Variants in ADGRL3 observed in about 807,000 individuals in gnomAD.
ADGRL3 encodes adhesion G protein-coupled receptor L3.
Under a neutral mutation model 153.5 loss-of-function variants are expected in ADGRL3, and 62 were observed. The observed-to-expected ratio is 0.40, with a 90% CI of 0.33 to 0.50. The LOEUF (loss-of-function observed/expected upper bound fraction) is 0.50, where lower values mean the gene tolerates loss of function less well. Among genes scored for constraint, ADGRL3 ranks in the 20% least tolerant of loss-of-function variants. The pLI is 0.47. For missense variants in ADGRL3, 1,641 were observed against 1,859.4 expected, an observed-to-expected ratio of 0.88 and a Z score of 2.16; for synonymous variants, 710 against 672.5, an observed-to-expected ratio of 1.06 and a Z score of -0.86.
chr4:61,395,061 A>C (rs2096853958), intron 2 of ADGRL3, among the ~76,000 whole-genome samples: 1 of 152,058 alleles, frequency 6.6e-6, no homozygotes. Context: ...CCACAAATAA[A>C]AATTTTAATA....
At chr4:62,042,098 T>C (rs1728648572) in intron 24 of ADGRL3, among the ~76,000 whole-genome samples, 1 of 152,038 alleles carries the variant, frequency 6.6e-6, no homozygotes, top group South Asian at 2.1e-4. Context: ...TATATAGATG[T>C]ATATGCACAC....
intron 8 of ADGRL3, among the ~76,000 whole-genome samples, chr4:61,793,904 T>C (rs567708332): frequency 1.3e-5 from 2 of 152,266 alleles, no homozygotes; most frequent in African/African-American, 4.8e-5. Context: ...TGTATTCACA[T>C]ATTTAATTTC....
At chr4:61,524,607 A>C (rs949726043) in intron 4 of ADGRL3, among the ~76,000 whole-genome samples, 3 of 152,094 alleles carry the variant, frequency 2.0e-5, no homozygotes, top group South Asian at 2.1e-4. Flanking sequence ...TAACTATCTT[A>C]CCCAAGTCCA....
At chr4:61,229,460 T>A (rs545332694) in intron 1 of ADGRL3, among the ~76,000 whole-genome samples, 3 of 152,282 alleles carry the variant, frequency 2.0e-5, no homozygotes, top group African/African-American at 7.2e-5. Context: ...TAGCAAGGAT[T>A]TTTTTTAGAT....
intron 24 of ADGRL3, among the ~76,000 whole-genome samples, chr4:62,040,221 G>A (rs1248567722): frequency 6.6e-6 from 1 of 151,974 alleles, no homozygotes; most frequent in African/African-American, 2.4e-5. Context: ...TCAATAAACG[G>A]TGGTTGCTAC....
rs1273985741 is a variant in ADGRL3 at position 62,074,709 on chromosome 4, A to T, written c.*3801A>T. The T allele has an allele frequency of 1.3e-5, 2 of 152,288 alleles. No individual in the cohort carries two copies. The highest frequency in any genetic ancestry group is 4.8e-5 in the African/African-American group (2 of 41,568). The allele number at this position is 152,288 out of a possible 1,614,324, so 9.4% of individuals were successfully genotyped here. On this transcript the variant is annotated 3_prime_UTR_variant, in exon 27 of 27. Coordinates refer to ENST00000683033, the MANE Select transcript of ADGRL3 (RefSeq NM_001387552.1). Reference sequence around the variant, plus strand: ...ATATCCTTAACTTCCTGTAAAAAAAATTCACATTGACTCTAAATTAAGATG... The same window carrying T: ...ATATCCTTAACTTCCTGTAAAAAAATTTCACATTGACTCTAAATTAAGATG...
At chr4:61,353,152 T>G (rs2096084774) in intron 1 of ADGRL3, among the ~76,000 whole-genome samples, 1 of 152,194 alleles carries the variant, frequency 6.6e-6, no homozygotes, top group Non-Finnish European at 1.5e-5. Flanking sequence ...GTCCTTTATT[T>G]GTGTGCTATT....
intron 2 of ADGRL3, among the ~76,000 whole-genome samples, chr4:61,435,750 T>C (rs2097436834): frequency 6.6e-6 from 1 of 152,100 alleles, no homozygotes; most frequent in African/African-American, 2.4e-5. Flanking sequence ...AAACAGTCAG[T>C]GAAACCATCT....
chr4:61,442,706 T>C (rs369952319), intron 2 of ADGRL3, among the ~76,000 whole-genome samples: 67 of 152,216 alleles, frequency 4.4e-4, no homozygotes, highest in African/African-American at 1.5e-3. Context: ...CAGGAGGATT[T>C]GGGAGAGAGA....
chr4:61,677,481 T>C (rs2095233369), intron 6 of ADGRL3: 1 of 253,986 alleles, frequency 3.9e-6, no homozygotes, highest in African/African-American at 2.3e-5. Context: ...GTCTTTGCAA[T>C]GTTTTTATCA....
intron 1 of ADGRL3, among the ~76,000 whole-genome samples, chr4:61,251,528 G>T (rs76410417): frequency 0.055 from 8,388 of 152,230 alleles, 331 homozygotes; most frequent in Non-Finnish European, 0.085. Context: ...AAAGGACACC[G>T]ACGTTTAAGT....
intron 13 of ADGRL3, among the ~76,000 whole-genome samples, chr4:61,933,105 C>A (rs1007831987): frequency 6.6e-6 from 1 of 151,904 alleles, no homozygotes; most frequent in Non-Finnish European, 1.5e-5. Flanking sequence ...AGATTATCAG[C>A]AGCTAAAATG....
chr4:61,467,263 A>G (rs578133755), intron 2 of ADGRL3, among the ~76,000 whole-genome samples: 88 of 152,278 alleles, frequency 5.8e-4, no homozygotes, highest in Middle Eastern at 6.8e-3. Context: ...TTGAACATCA[A>G]TGTCAAAGCT....
At position 61,744,186 on chromosome 4, in the gene ADGRL3, G is replaced by A. The variant is rs573335054; in HGVS notation, c.1399+10632G>A. Among the ~76,000 whole-genome samples, 14 of 152,262 alleles carry A rather than the reference G, an allele frequency of 9.2e-5. No individual in the cohort carries two copies. The South Asian group carries it at 2.9e-3, about 32-fold the overall frequency. Reference sequence around the variant, plus strand: ...GGGGCACCCACCATTGCCCAGGCTAGCTTAGGTAAACAAAGCAGCAGGGAA... The same window carrying A: ...GGGGCACCCACCATTGCCCAGGCTAACTTAGGTAAACAAAGCAGCAGGGAA... On this transcript the variant is annotated intron_variant, in intron 8 of 26. Coordinates refer to ENST00000683033, the MANE Select transcript of ADGRL3 (RefSeq NM_001387552.1).
chr4:61,909,846 T>C, intron 12 of ADGRL3, 101 bp downstream of exon 12: 1 of 829,570 alleles, frequency 1.2e-6, no homozygotes, highest in Non-Finnish European at 1.8e-6. Flanking sequence ...CTGCTTAATT[T>C]TCCTCCTTCT....
intron 4 of ADGRL3, among the ~76,000 whole-genome samples, chr4:61,571,823 T>G (rs2098840396): frequency 6.6e-6 from 1 of 152,324 alleles, no homozygotes; most frequent in African/African-American, 2.4e-5. Context: ...ATTTACTATT[T>G]ACTACTTTAA....
intron 9 of ADGRL3, among the ~76,000 whole-genome samples, chr4:61,869,583 C>G (rs542355688): frequency 2.4e-3 from 369 of 151,642 alleles, no homozygotes; most frequent in Non-Finnish European, 3.8e-3. Context: ...CTGGCCTGGG[C>G]GACAGAGCGA....
At chr4:61,658,704 T>C (rs1192161934) in intron 5 of ADGRL3, among the ~76,000 whole-genome samples, 2 of 152,114 alleles carry the variant, frequency 1.3e-5, no homozygotes, top group Non-Finnish European at 2.9e-5. Flanking sequence ...GTTACCATCC[T>C]GTGTCAATTC....
intron 9 of ADGRL3, among the ~76,000 whole-genome samples, chr4:61,820,709 TA>T (rs2097744565): frequency 6.6e-6 from 1 of 152,194 alleles, no homozygotes; most frequent in South Asian, 2.1e-4. Flanking sequence ...CCAGTTTTAC[TA>T]AAGTGGAAAT....
Sources: gnomAD v4.1 joint callset for allele counts (sites outside exome capture counted in the v4.1 genomes callset) on GRCh38, gnomAD v4.1.1 for gene constraint, MANE v1.5 for transcripts, NCBI Gene and HGNC (gene_info 2026-07-23, HGNC 2026-07-21) for gene names.